ZFC3H1: variants seen among roughly 807,000 people sequenced by gnomAD.
ZFC3H1 encodes zinc finger C3H1-type containing, also known as zinc finger C3H1 domain-containing protein.
Under a neutral mutation model 243.7 loss-of-function variants are expected in ZFC3H1, and 71 were observed. The observed-to-expected ratio is 0.29, with a 90% CI of 0.24 to 0.36. The LOEUF (loss-of-function observed/expected upper bound fraction) is 0.36, where lower values mean the gene tolerates loss of function less well. Among genes scored for constraint, ZFC3H1 ranks in the 10% least tolerant of loss-of-function variants. ZFC3H1 has a pLI of 1.00. For missense variants in ZFC3H1, 1,966 were observed against 2,317.1 expected, an observed-to-expected ratio of 0.85 and a Z score of 3.11; for synonymous variants, 838 against 813.0, an observed-to-expected ratio of 1.03 and a Z score of -0.52.
intron 18 of ZFC3H1, among the ~76,000 whole-genome samples, chr12:71,630,390 G>A (rs1006183029): frequency 6.6e-6 from 1 of 152,178 alleles, no homozygotes; most frequent in Admixed American, 6.5e-5. Context: ...CTTGCCACAT[G>A]TGGCCATTGG....
At position 71,657,261 on chromosome 12, in the gene ZFC3H1, A is replaced by G; in HGVS notation, c.639T>C (p.Tyr213=). 1 of 1,583,148 alleles carries G rather than the reference A, an allele frequency of 6.3e-7. No individual in the cohort carries two copies. Among genetic ancestry groups the G allele is most frequent in the East Asian group, 2.3e-5 (1 of 44,380 alleles). ...CCACACAGTTTTCATTTTTTGATGAATAATTTTGTTTTCTTGATGGAGACC... is the reference window on the plus strand; with the variant it reads ...CCACACAGTTTTCATTTTTTGATGAGTAATTTTGTTTTCTTGATGGAGACC... ...FGRSPSRKQN[Y]SSKNENCVEE... is the part of the protein sequence containing the mutation. Residue 213 remains tyrosine (Y), a synonymous_variant, in exon 2 of 35, where the codon TAT becomes TAC. Transcript: ENST00000378743.
intron 21 of ZFC3H1, 83 bp downstream of exon 21, chr12:71,627,668 G>T: frequency 1.5e-6 from 2 of 1,334,230 alleles, no homozygotes; most frequent in Non-Finnish European, 2.1e-6. Flanking sequence ...AAAGAAACCT[G>T]ACTGATTACC....
intron 6 of ZFC3H1, among the ~76,000 whole-genome samples, chr12:71,640,874 T>TC (rs982978765): frequency 3.3e-5 from 5 of 150,834 alleles, no homozygotes; most frequent in Non-Finnish European, 5.9e-5. Flanking sequence ...GTTTTTTTTT[T>TC]CCCCCGCCCG....
At chr12:71,629,224 G>A (rs1880251328) in intron 19 of ZFC3H1, among the ~76,000 whole-genome samples, 187 bp from the exon 20 acceptor site, 1 of 150,198 alleles carries the variant, frequency 6.7e-6, no homozygotes, top group Non-Finnish European at 1.5e-5. Flanking sequence ...TGAGTGCAGT[G>A]GCGCGATCTC....
rs1480061284 is a variant in ZFC3H1, at chr12:71,662,990, G to A, written c.598+23C>T. 6 of 1,567,024 alleles carry A rather than the reference G, an allele frequency of 3.8e-6. No individual in the cohort carries two copies. In the African/African-American group the frequency reaches 4.1e-5, roughly 11 times the overall value. ...AGGGAACTTTAGTGACACACCCAGCGCCGACCGCCACGTTAAGGATACAGC... is the reference window on the plus strand; with the variant it reads ...AGGGAACTTTAGTGACACACCCAGCACCGACCGCCACGTTAAGGATACAGC... On this transcript the variant is annotated intron_variant, in intron 1 of 34. Coordinates refer to ENST00000378743, the MANE Select transcript of ZFC3H1 (RefSeq NM_144982.5).
At position 71,626,403 on chromosome 12, in the gene ZFC3H1, G is replaced by A; in HGVS notation, c.4174C>T (p.Arg1392Ter). The A allele has an allele frequency of 6.2e-7, 1 of 1,613,808 alleles. No individual in the cohort carries two copies. Residue 1392 changes from arginine to a stop codon, truncating the protein, a stop_gained, in exon 22 of 35, where the codon CGA becomes TGA. Coordinates refer to ENST00000378743, the MANE Select transcript of ZFC3H1 (RefSeq NM_144982.5). LOFTEE classifies it high-confidence loss of function. ...TTGTCTTTGTTATTTTCCAATGCTC[G>A]CGCCAGAACATTTAAAGCAGAATCC... ...SLDSALNVLARALENNKDNPE... is the reference protein window; with the variant it reads ...SLDSALNVLA
chr12:71,629,157 ATT>A (rs201091738), intron 19 of ZFC3H1, 120 bp from the exon 20 acceptor site: 14,558 of 625,134 alleles, frequency 0.023, no homozygotes, highest in South Asian at 0.035. Context: ...AATGATACGT[ATT>A]TTTTTTTTTT....
rs563946765 is a variant in ZFC3H1, at chr12:71,634,955, T to C, written c.2239-130A>G. On this transcript the variant is annotated intron_variant, in intron 10 of 34. Transcript: ENST00000378743. ...TAGAAATACCTGAATGTCATCATTTTCTATTCTTTTTTCTAAAACAATGTT... is the reference window on the plus strand; with the variant it reads ...TAGAAATACCTGAATGTCATCATTTCCTATTCTTTTTTCTAAAACAATGTT... 8 of 1,118,800 alleles carry C rather than the reference T, an allele frequency of 7.2e-6. No individual in the cohort carries two copies. In the African/African-American group the frequency reaches 1.1e-4, roughly 16 times the overall value. The allele number at this position is 1,118,800 out of a possible 1,614,324, so 69.3% of individuals were successfully genotyped here.
intron 1 of ZFC3H1, among the ~76,000 whole-genome samples, chr12:71,659,121 T>C (rs2137566098): frequency 6.6e-6 from 1 of 152,308 alleles, no homozygotes; most frequent in East Asian, 1.9e-4. Flanking sequence ...CAGGGAGCAC[T>C]ACTTAGCCTC....
At chr12:71,617,011 T>C (rs1327195979) in intron 27 of ZFC3H1, among the ~76,000 whole-genome samples, 1 of 152,150 alleles carries the variant, frequency 6.6e-6, no homozygotes, top group Non-Finnish European at 1.5e-5. Context: ...TTGAAACACA[T>C]GAAAATTACC....
rs201076609 is a variant in ZFC3H1 at position 71,611,140 on chromosome 12, G to T, written c.5730-43C>A. ...AAAAAGAAATATAGAAAAAGGAAAA[G>T]AAAAATTTATATATCTTTGAACAAA... On this transcript the variant is annotated intron_variant, in intron 32 of 34. Transcript: ENST00000378743. The T allele has an allele frequency of 9.4e-6, 14 of 1,484,956 alleles. No homozygotes were observed. In the East Asian group the frequency reaches 2.2e-4, roughly 23 times the overall value. 92.0% of individuals were successfully genotyped at this position (1,484,956 alleles called of 1,614,324 possible). A position where few individuals can be genotyped will look rare whatever the true frequency, so the allele number is the denominator to read the frequency against.
In ZFC3H1 at chr12:71,631,879, A is replaced by C. The variant is rs752423199; in HGVS notation, c.3369T>G (p.Ser1123=). 6.2e-7 allele frequency: 1 copy of C among 1,612,246 alleles called. No homozygotes were observed. Among genetic ancestry groups the C allele is most frequent in the East Asian group, 2.2e-5 (1 of 44,836 alleles). Reference sequence around the variant, plus strand: ...GTGCTGTGACAAAATCCACATCTACAGAAATCTCCTGCAAAAGAAAATAAT... The same window carrying C: ...GTGCTGTGACAAAATCCACATCTACCGAAATCTCCTGCAAAAGAAAATAAT... The part of the protein sequence containing the change: ...TEKVLHGQEI[S]VDVDFVTAQS... The change falls in exon 16 of 35, where the codon TCT becomes TCG. Residue 1123 remains serine (S), a synonymous_variant. Coordinates refer to ENST00000378743, the MANE Select transcript of ZFC3H1 (RefSeq NM_144982.5).
chr12:71,638,380 A>G (rs1415421332), intron 7 of ZFC3H1, 38 bp downstream of exon 7: 1 of 1,580,496 alleles, frequency 6.3e-7, no homozygotes, highest in Non-Finnish European at 8.6e-7. Flanking sequence ...AGAAAAGACA[A>G]GACAAAATAA....
intron 4 of ZFC3H1, 77 bp downstream of exon 4, chr12:71,644,800 A>G (rs1880686727): frequency 6.6e-7 from 1 of 1,516,612 alleles, no homozygotes; most frequent in African/African-American, 1.4e-5. Context: ...CCTGGGCGAC[A>G]AGAGCAAAAC....
chr12:71,613,384 A>G lies in ZFC3H1; in HGVS notation c.5578T>C (p.Leu1860=). ...CVPKTQHSKT[L]ERFCSVMPAN... is the part of the protein sequence containing the mutation. ...GGCATAACTGAACAAAACCGTTCCA[A>G]GGTTTTGGAATGCTGGGTCTTTGGA... Residue 1860 remains leucine (L), a synonymous_variant, in exon 31 of 35, where the codon TTG becomes CTG. Transcript: ENST00000378743. 2 of 1,610,444 alleles carry G rather than the reference A, an allele frequency of 1.2e-6. No homozygotes were observed. Among genetic ancestry groups the G allele is most frequent in the African/African-American group, 1.3e-5 (1 of 74,946 alleles).
At chr12:71,644,742 T>A (rs1391856274) in intron 4 of ZFC3H1, 135 bp downstream of exon 4, 4 of 1,008,394 alleles carry the variant, frequency 4.0e-6, no homozygotes, top group African/African-American at 1.6e-5. Context: ...CGCCTGAACC[T>A]GGGAGGTGGA....
Position 71,623,532 on chromosome 12 carries a change from C to T in ZFC3H1, c.4572G>A (p.Leu1524=), listed in dbSNP as rs1880084314. ...AEYLKTSDRC[L]AWLAYIHLIE... ...TAAGATGTATGTAGGCCAACCATGC[C>T]AAACATCGATCACTGGTTTTAAGGT... The change falls in exon 24 of 35, where the codon TTG becomes TTA. Residue 1524 remains leucine (L), a synonymous_variant. Transcript: ENST00000378743. The T allele has an allele frequency of 5.6e-6, 9 of 1,613,640 alleles. No homozygotes were observed. The highest frequency in any genetic ancestry group is 7.6e-6 in the Non-Finnish European group (9 of 1,179,832).
At position 71,630,612 on chromosome 12, in the gene ZFC3H1, T is replaced by C; in HGVS notation, c.3712A>G (p.Thr1238Ala). The C allele has an allele frequency of 6.2e-7, 1 of 1,604,838 alleles. No individual in the cohort carries two copies. Among genetic ancestry groups the C allele is most frequent in the African/African-American group, 1.3e-5 (1 of 74,474 alleles). ...AGTCTTTAAAAACCTGCTGAAGCAG[T>C]AATTTCTTCATTAGTACTTGTCTCT... is the stretch of plus-strand genomic sequence containing the variant. The part of the protein sequence containing the change: ...CAETSTNEEI[T>A]ASAEKYVEKL... The change falls in exon 18 of 35, where the codon ACT (threonine) becomes GCT (alanine). Residue 1238 changes from threonine to alanine, a missense_variant. Physicochemically the swap from Thr to Ala is moderately conservative, Grantham distance 58. Transcript: ENST00000378743.
rs1003367352 is a variant in ZFC3H1, at chr12:71,663,841, G to A, written c.-231C>T. Reference sequence around the variant, plus strand: ...AGCGCCCCCTTGCTCCTCAGCGATCGGGGTTCTTCCGCCTCGCGAGAAAGG... The same window carrying A: ...AGCGCCCCCTTGCTCCTCAGCGATCAGGGTTCTTCCGCCTCGCGAGAAAGG... On this transcript the variant is annotated 5_prime_UTR_variant, in exon 1 of 35. Transcript: ENST00000378743. The A allele has an allele frequency of 1.6e-5, 9 of 571,204 alleles. No homozygotes were observed. Among genetic ancestry groups the A allele is most frequent in the Admixed American group, 3.2e-5 (1 of 31,202 alleles). The allele number at this position is 571,204 out of a possible 1,614,324, so 35.4% of individuals were successfully genotyped here.
Sources: allele counts gnomAD v4.1 joint callset (sites outside exome capture counted in the v4.1 genomes callset), GRCh38; gene constraint gnomAD v4.1.1; transcripts MANE v1.5; gene names NCBI Gene and HGNC (gene_info 2026-07-23, HGNC 2026-07-21).